The following MPRIP variants were observed in gnomAD, a reference collection of about 807,000 sequenced individuals.
MPRIP encodes myosin phosphatase Rho-interacting protein.
A neutral mutation model predicts 234.9 loss-of-function variants in MPRIP; 59 were observed. That is an observed-to-expected ratio of 0.25 (90% CI 0.20 to 0.31). The LOEUF (loss-of-function observed/expected upper bound fraction) is 0.31. Ranked by LOEUF, MPRIP falls within the 10% of genes least tolerant of loss-of-function variation. MPRIP has a pLI of 1.00. For synonymous variants in MPRIP, 1,144 were observed against 1,263.9 expected (o/e 0.91, Z 2.01); for missense variants, 2,436 against 3,071.0 (o/e 0.79, Z 4.89).
Position 17,042,800 on chromosome 17 carries a change from C to T in MPRIP, c.-49C>T, listed in dbSNP as rs1828554835. On this transcript the variant is annotated 5_prime_UTR_variant, in exon 1 of 24. Transcript: ENST00000651222. ...CCCTAGCCCGCCGGGAGCGCCAGGC[C>T]GGCCAGGCCTGCGCCGCCGCCGCCG... 2 of 1,076,022 alleles carry T rather than the reference C, an allele frequency of 1.9e-6. No individual in the cohort carries two copies. Among genetic ancestry groups the T allele is most frequent in the Non-Finnish European group, 2.3e-6 (2 of 886,334 alleles). 66.7% of individuals were successfully genotyped at this position (1,076,022 alleles called of 1,614,324 possible). A position where few individuals can be genotyped will look rare whatever the true frequency, so the allele number is the denominator to read the frequency against.
intron 16 of MPRIP, chr17:17,170,142 C>T (rs140468652): frequency 6.6e-6 from 1 of 150,676 alleles, no homozygotes; most frequent in Non-Finnish European, 1.5e-5. Context: ...ATTAGTATGG[C>T]CCCTTTACAA....
In MPRIP at chr17:17,187,510, A is replaced by T. The variant is rs2046499308; in HGVS notation, c.*2616A>T. ...CCCTGCTGGTGGGCTCCATCCTGCG[A>T]TGGAGTGAACCAGGCGAGAAAGGAT... On this transcript the variant is annotated 3_prime_UTR_variant, in exon 24 of 24. Transcript: ENST00000651222. 1 of 152,208 alleles carries T rather than the reference A, an allele frequency of 6.6e-6. No homozygotes were observed. Among genetic ancestry groups the T allele is most frequent in the South Asian group, 2.1e-4 (1 of 4,832 alleles). 9.4% of individuals were successfully genotyped at this position (152,208 alleles called of 1,614,324 possible).
In MPRIP at chr17:17,164,939, G is replaced by A; in HGVS notation, c.3348G>A (p.Glu1116=). ...ACCTCCTCAGACAGCGGTTCCAGGAGCTGACAGAGCGCGTGGCCACGTCCG... is the reference window on the plus strand; with the variant it reads ...ACCTCCTCAGACAGCGGTTCCAGGAACTGACAGAGCGCGTGGCCACGTCCG... ...ERDLLRQRFQ[E]LTERVATSDE... Residue 1116 remains glutamate, a synonymous_variant, in exon 16 of 24, where the codon GAG becomes GAA. Coordinates refer to ENST00000651222, the MANE Select transcript of MPRIP (RefSeq NM_001364716.4). 7.7e-7 allele frequency: 1 copy of A among 1,303,840 alleles called. No homozygotes were observed. The highest frequency in any genetic ancestry group is 1.0e-6 in the Non-Finnish European group (1 of 988,840). The allele number at this position is 1,303,840 out of a possible 1,614,324, so 80.8% of individuals were successfully genotyped here. A position where few individuals can be genotyped will look rare whatever the true frequency, so the allele number is the denominator to read the frequency against.
chr17:17,168,803 G>T, intron 16 of MPRIP: 1 of 454,434 alleles, frequency 2.2e-6, no homozygotes, highest in South Asian at 1.6e-5. Context: ...CCATGTTCAG[G>T]TGGTGCCTTC....
intron 12 of MPRIP, among the ~76,000 whole-genome samples, chr17:17,151,501 TTGA>T (rs982937648): frequency 6.6e-6 from 1 of 152,178 alleles, no homozygotes; most frequent in African/African-American, 2.4e-5. Flanking sequence ...GCTGCTGTGG[TTGA>T]TGGAGTTGTT....
intron 1 of MPRIP, among the ~76,000 whole-genome samples, chr17:17,071,723 C>T (rs1297219990): frequency 2.6e-5 from 4 of 152,162 alleles, no homozygotes; most frequent in African/African-American, 9.7e-5. Flanking sequence ...GAGGAGGTAG[C>T]TCGGGGGAGT....
chr17:17,050,314 CAAAA>C (rs66950979), intron 1 of MPRIP, among the ~76,000 whole-genome samples: 4 of 92,260 alleles, frequency 4.3e-5, no homozygotes, highest in African/African-American at 4.0e-5. Flanking sequence ...GACTCCGTCT[CAAAA>C]AAAAAAAAAA....
chr17:17,048,401 G>A (rs1001003826), intron 1 of MPRIP, among the ~76,000 whole-genome samples: 14 of 152,130 alleles, frequency 9.2e-5, no homozygotes, highest in African/African-American at 1.9e-4. Flanking sequence ...GTAGACATTC[G>A]TAGAAGTTCT....
At position 17,180,077 on chromosome 17, in the gene MPRIP, A is replaced by T; in HGVS notation, c.7195A>T (p.Ile2399Phe). The change falls in exon 23 of 24, where the codon ATC becomes TTC. Residue 2399 changes from isoleucine to phenylalanine, a missense_variant. Transcript: ENST00000651222. ...RSCVTRQLRN[I>F]RSKSLKEGLT... ...CTGTGTCACCCGGCAACTCAGAAAC[A>T]TCAGGTCCAAGGTGAGTCTGGGGTC... The T allele has an allele frequency of 1.9e-6, 3 of 1,593,472 alleles. No homozygotes were observed. Among genetic ancestry groups the T allele is most frequent in the Non-Finnish European group, 2.6e-6 (3 of 1,174,422 alleles).
intron 3 of MPRIP, among the ~76,000 whole-genome samples, chr17:17,109,112 C>T (rs1027612549): frequency 1.3e-5 from 2 of 152,210 alleles, no homozygotes; most frequent in African/African-American, 4.8e-5. Flanking sequence ...CCTTCTTATC[C>T]AAACATGCCT....
rs757410110 is a variant in MPRIP at position 17,164,515 on chromosome 17, G to A, written c.2924G>A (p.Gly975Asp). 52 of 1,210,092 alleles carry A rather than the reference G, an allele frequency of 4.3e-5. No homozygotes were observed. Among genetic ancestry groups the A allele is most frequent in the Non-Finnish European group, 5.1e-5 (48 of 948,822 alleles). 75.0% of individuals were successfully genotyped at this position (1,210,092 alleles called of 1,614,324 possible). ...CTGGAGAAGACGCAGGAGCTACGGG[G>A]CCTGGAGACACAGCAGGCGCTGCAG... ...LLLEKTQELR[G>D]LETQQALQRD... is the part of the protein sequence containing the mutation. Residue 975 changes from glycine to aspartate, a missense_variant, in exon 16 of 24, where the codon GGC (glycine) becomes GAC (aspartate). Gly to Asp is a moderately conservative substitution (Grantham distance 94). Around this residue, in one of 4 missense-constraint regions of MPRIP, gnomAD observed 1,998 missense variants for 2,520.3 expected, o/e 0.79. Coordinates refer to ENST00000651222, the MANE Select transcript of MPRIP (RefSeq NM_001364716.4).
At chr17:17,172,263 G>A (rs1597507094) in intron 17 of MPRIP, among the ~76,000 whole-genome samples, 1 of 152,256 alleles carries the variant, frequency 6.6e-6, no homozygotes, top group African/African-American at 2.4e-5. Flanking sequence ...TAGCTTCACC[G>A]GCAGGTGGCC....
chr17:17,052,157 G>C (rs950793514), intron 1 of MPRIP, among the ~76,000 whole-genome samples: 13 of 152,202 alleles, frequency 8.5e-5, no homozygotes, highest in African/African-American at 3.1e-4. Context: ...ATGGGGCCGT[G>C]ATACAGATTT....
intron 1 of MPRIP, among the ~76,000 whole-genome samples, chr17:17,056,349 G>A (rs972291877): frequency 2.6e-5 from 4 of 152,212 alleles, no homozygotes; most frequent in African/African-American, 9.7e-5. Context: ...ATGGCGTCAT[G>A]TTCCAAAAAT....
At chr17:17,143,416 C>T (rs966360885) in intron 8 of MPRIP, 140 bp from the exon 9 acceptor site, 6 of 506,214 alleles carry the variant, frequency 1.2e-5, no homozygotes, top group African/African-American at 2.0e-5. Context: ...TGCAGACTTG[C>T]TATGGTGGCT....
At position 17,167,431 on chromosome 17, in the gene MPRIP, G is replaced by C; in HGVS notation, c.5840G>C (p.Arg1947Thr). Residue 1947 changes from arginine to threonine, a missense_variant, in exon 16 of 24, where the codon AGG becomes ACG. Physicochemically the swap from Arg to Thr is moderately conservative, Grantham distance 71. This residue lies in a region of MPRIP where 1,998 missense variants were observed against 2,520.3 expected (regional missense o/e 0.79). Transcript: ENST00000651222. This position sits in a 1 kb window ranked among gnomAD's most constrained non-coding sequence, Gnocchi z 5.9. The stretch of plus-strand genomic sequence containing the variant: ...ATGAGCATGTTCACCCTGCGGGGCA[G>C]GTATGAGGAGGAGATTCGGTGTGTG... ...HSMSMFTLRG[R>T]YEEEIRCVVE... 1 of 1,304,210 alleles carries C rather than the reference G, an allele frequency of 7.7e-7. No individual in the cohort carries two copies. The highest frequency in any genetic ancestry group is 1.0e-6 in the Non-Finnish European group (1 of 988,948). 80.8% of individuals were successfully genotyped at this position (1,304,210 alleles called of 1,614,324 possible). A position where few individuals can be genotyped will look rare whatever the true frequency, so the allele number is the denominator to read the frequency against.
chr17:17,123,556 T>C (rs1257741280), intron 3 of MPRIP, among the ~76,000 whole-genome samples: 1 of 151,648 alleles, frequency 6.6e-6, no homozygotes, highest in Non-Finnish European at 1.5e-5. Context: ...ATACAAAAAT[T>C]AGCTGGGTGT....
At chr17:17,156,676 T>C (rs2045737103) in intron 13 of MPRIP, among the ~76,000 whole-genome samples, 1 of 152,200 alleles carries the variant, frequency 6.6e-6, no homozygotes, top group African/African-American at 2.4e-5. Flanking sequence ...TGGCTGTGAC[T>C]TTGGCGGCTG....
At chr17:17,145,936 C>G in intron 9 of MPRIP, 100 bp from the exon 10 acceptor site, 1 of 1,182,692 alleles carries the variant, frequency 8.5e-7, no homozygotes, top group Non-Finnish European at 1.2e-6. Flanking sequence ...AAACCCCTTT[C>G]CTGGTACCCG....
Sources: allele counts gnomAD v4.1 joint callset (sites outside exome capture counted in the v4.1 genomes callset), GRCh38; gene constraint gnomAD v4.1.1; regional missense constraint gnomAD v4.1.1; non-coding constraint Gnocchi (gnomAD v3.1); transcripts MANE v1.5; gene names NCBI Gene and HGNC (gene_info 2026-07-23, HGNC 2026-07-21).